SCFD2: variants seen among roughly 807,000 people sequenced by gnomAD.
SCFD2 encodes the protein sec1 family domain-containing protein 2.
In SCFD2, 54 loss-of-function variants were observed where a neutral mutation model predicts 58.9. The ratio of observed to expected loss-of-function variants is 0.92; its 90% CI spans 0.74 to 1.15. The LOEUF (loss-of-function observed/expected upper bound fraction) is 1.15. SCFD2 is among the 50% of genes most tolerant of loss of function. SCFD2 has a pLI of 0.00. For synonymous variants in SCFD2, 321 were observed against 335.9 expected, an observed-to-expected ratio of 0.96 and a Z score of 0.49; for missense variants, 805 against 836.6, an observed-to-expected ratio of 0.96 and a Z score of 0.47.
chr4:53,238,113 C>G (rs919271026), intron 4 of SCFD2, among the ~76,000 whole-genome samples: 11 of 128,060 alleles, frequency 8.6e-5, no homozygotes, highest in African/African-American at 3.0e-4. Flanking sequence ...CTCCTCACTT[C>G]CCAGTAGGGG....
In SCFD2 at chr4:53,200,878, C is replaced by T. The variant is rs553714268; in HGVS notation, c.1312-55296G>A. On this transcript the variant is annotated intron_variant, in intron 4 of 8. Transcript: ENST00000401642. The stretch of plus-strand genomic sequence containing the variant: ...TCATCTCTATGCACATTAAATTTTT[C>T]ACTAATTCATCAGAAATGTATAAAT... Among the ~76,000 whole-genome samples, 78 of 152,116 alleles carry T rather than the reference C, an allele frequency of 5.1e-4. No individual in the cohort carries two copies. The South Asian group carries it at 5.6e-3, about 11-fold the overall frequency.
chr4:53,125,892 G>T (rs558313369), intron 5 of SCFD2, among the ~76,000 whole-genome samples: 8 of 152,260 alleles, frequency 5.3e-5, no homozygotes, highest in African/African-American at 1.9e-4. Flanking sequence ...CATCCAGGTT[G>T]GGAAGAGTAT....
intron 4 of SCFD2, among the ~76,000 whole-genome samples, chr4:53,180,166 A>G (rs1727497324): frequency 1.3e-5 from 2 of 152,266 alleles, no homozygotes; most frequent in Admixed American, 1.3e-4. Flanking sequence ...AGACATCGAC[A>G]GAAGTCTCCA....
intron 4 of SCFD2, among the ~76,000 whole-genome samples, chr4:53,251,372 A>T (rs201298065): frequency 6.6e-6 from 1 of 152,042 alleles, no homozygotes; most frequent in Non-Finnish European, 1.5e-5. Flanking sequence ...AATCCTCCCT[A>T]ACTCATTTTA....
intron 5 of SCFD2, among the ~76,000 whole-genome samples, chr4:52,995,856 C>T (rs1379654458): frequency 6.6e-6 from 1 of 152,164 alleles, no homozygotes; most frequent in Admixed American, 6.5e-5. Flanking sequence ...TCTGAGGGTG[C>T]CCTATTACCT....
At chr4:53,215,492 T>C (rs1190037680) in intron 4 of SCFD2, among the ~76,000 whole-genome samples, 1 of 152,162 alleles carries the variant, frequency 6.6e-6, no homozygotes, top group Non-Finnish European at 1.5e-5. Flanking sequence ...TGCACATTGA[T>C]TTTGTATCCT....
At chr4:52,892,242 C>T (rs1228386352) in intron 7 of SCFD2, among the ~76,000 whole-genome samples, 1 of 152,190 alleles carries the variant, frequency 6.6e-6, no homozygotes, top group African/African-American at 2.4e-5. Flanking sequence ...CCTCAATCCC[C>T]GTCCGGTGGA....
chr4:53,138,458 T>C (rs1322773515), intron 5 of SCFD2, among the ~76,000 whole-genome samples: 2 of 152,252 alleles, frequency 1.3e-5, no homozygotes, highest in African/African-American at 2.4e-5. Flanking sequence ...CTCTTGTGAC[T>C]GCCATGCAAA....
At chr4:53,175,249 T>C (rs1257238346) in intron 4 of SCFD2, among the ~76,000 whole-genome samples, 2 of 152,190 alleles carry the variant, frequency 1.3e-5, no homozygotes, top group Non-Finnish European at 2.9e-5. Flanking sequence ...AACAAAGCCA[T>C]GTAATGTGAT....
At chr4:53,050,069 GA>G (rs1412182148) in intron 5 of SCFD2, among the ~76,000 whole-genome samples, 1 of 152,134 alleles carries the variant, frequency 6.6e-6, no homozygotes, top group Non-Finnish European at 1.5e-5. Flanking sequence ...GCAAACACTC[GA>G]ATGTCACATG....
intron 5 of SCFD2, among the ~76,000 whole-genome samples, chr4:53,065,655 A>C (rs1039089584): frequency 6.6e-6 from 1 of 152,062 alleles, no homozygotes. Flanking sequence ...TTCTATTCCG[A>C]AAGTTTTATC....
intron 4 of SCFD2, among the ~76,000 whole-genome samples, chr4:53,256,927 A>AG (rs1395901850): frequency 6.6e-5 from 1 of 15,120 alleles, no homozygotes; most frequent in Non-Finnish European, 1.3e-4. Context: ...GGGGAGGGGG[A>AG]GGGGGAGGGA....
intron 4 of SCFD2, among the ~76,000 whole-genome samples, chr4:53,181,025 C>CA (rs879421958): frequency 6.6e-6 from 1 of 151,958 alleles, no homozygotes; most frequent in Non-Finnish European, 1.5e-5. Flanking sequence ...GCTTACCAGC[C>CA]AAAAAAAGTC....
chr4:53,141,539 G>A (rs893638204), intron 5 of SCFD2, among the ~76,000 whole-genome samples: 2 of 151,846 alleles, frequency 1.3e-5, no homozygotes, highest in African/African-American at 2.4e-5. Flanking sequence ...TGTATGAAAA[G>A]GACACCTCTT....
chr4:53,159,953 G>A (rs561026923), intron 4 of SCFD2, among the ~76,000 whole-genome samples: 9 of 152,288 alleles, frequency 5.9e-5, no homozygotes, highest in East Asian at 3.9e-4. Context: ...AAAAATGCAC[G>A]AAAAAGAATC....
intron 5 of SCFD2, among the ~76,000 whole-genome samples, chr4:53,019,547 C>T (rs555586474): frequency 3.3e-5 from 5 of 152,268 alleles, no homozygotes; most frequent in Admixed American, 1.3e-4. Context: ...CTTACTACTT[C>T]AACATCAGGA....
chr4:52,995,636 C>T (rs540336963), intron 5 of SCFD2, among the ~76,000 whole-genome samples: 3 of 152,162 alleles, frequency 2.0e-5, no homozygotes, highest in Non-Finnish European at 2.9e-5. Context: ...TCACAATAAA[C>T]CTTTGTTGAA....
chr4:53,166,542 A>G (rs907539585), intron 4 of SCFD2, among the ~76,000 whole-genome samples: 21 of 152,170 alleles, frequency 1.4e-4, no homozygotes, highest in African/African-American at 5.1e-4. Context: ...AAAAGAGACA[A>G]ATTTTGAAGT....
intron 5 of SCFD2, among the ~76,000 whole-genome samples, chr4:52,985,306 AG>A (rs1721463573): frequency 6.6e-6 from 1 of 152,204 alleles, no homozygotes; most frequent in Non-Finnish European, 1.5e-5. Flanking sequence ...GTACAGTTTT[AG>A]GACCTTTCTG....
Sources: allele counts gnomAD v4.1 joint callset (sites outside exome capture counted in the v4.1 genomes callset), GRCh38; gene constraint gnomAD v4.1.1; transcripts MANE v1.5; gene names NCBI Gene and HGNC (gene_info 2026-07-23, HGNC 2026-07-21).